Variants in PTPRD observed in about 807,000 individuals in gnomAD.
The protein encoded by PTPRD is receptor-type tyrosine-protein phosphatase delta.
A neutral mutation model predicts 214.5 loss-of-function variants in PTPRD; 34 were observed. The observed-to-expected ratio is 0.16, with a 90% CI of 0.12 to 0.21. The LOEUF (loss-of-function observed/expected upper bound fraction) is 0.21, where lower values mean the gene tolerates loss of function less well. PTPRD is among the 10% of genes least tolerant of loss of function. PTPRD has a pLI of 1.00. For missense variants in PTPRD, 2,545 were observed against 2,398.7 expected (o/e 1.06, Z -1.27); for synonymous variants, 1,128 against 845.7 (o/e 1.33, Z -5.79).
intron 2 of PTPRD, among the ~76,000 whole-genome samples, chr9:10,395,954 TGAGAGAGA>T (rs368100918): frequency 2.2e-4 from 30 of 134,310 alleles, no homozygotes; most frequent in African/African-American, 5.7e-4. Flanking sequence ...ATAGAGAGAA[TGAGAGAGA>T]GAGAGAGAGA....
intron 11 of PTPRD, among the ~76,000 whole-genome samples, chr9:8,974,922 C>G (rs904049219): frequency 6.6e-6 from 1 of 151,414 alleles, no homozygotes; most frequent in Non-Finnish European, 1.5e-5. Flanking sequence ...CATCGTGAAA[C>G]CCCGTCTGTA....
intron 10 of PTPRD, among the ~76,000 whole-genome samples, chr9:9,180,989 T>A (rs1416807765): frequency 1.3e-5 from 2 of 152,124 alleles, no homozygotes; most frequent in Non-Finnish European, 2.9e-5. Context: ...AAAGCACTTT[T>A]GGACTTGGCT....
rs114303990 is a variant in PTPRD at position 9,705,455 on chromosome 9, T to A, written c.-287+29078A>T. 6.5e-3 allele frequency among the ~76,000 whole-genome samples: 985 copies of A among 152,228 alleles called. 7 individuals carry two copies. The highest frequency in any genetic ancestry group is 0.022 in the African/African-American group (929 of 41,560). On this transcript the variant is annotated intron_variant, in intron 7 of 45. Coordinates refer to ENST00000381196, the MANE Select transcript of PTPRD (RefSeq NM_002839.4). ...AAAACACTCTGAAGTGGCCTTAATATAACACACAAAGGGCTTTTCTATTTT... is the reference window on the plus strand; with the variant it reads ...AAAACACTCTGAAGTGGCCTTAATAAAACACACAAAGGGCTTTTCTATTTT...
chr9:8,692,291 G>A (rs1168414045), intron 12 of PTPRD, among the ~76,000 whole-genome samples: 1 of 152,172 alleles, frequency 6.6e-6, no homozygotes, highest in Non-Finnish European at 1.5e-5. Flanking sequence ...ACAATTTAAT[G>A]TGAATTGTAC....
chr9:8,859,805 G>GGT lies in PTPRD; in HGVS notation c.-103-125860_-103-125859insAC, dbSNP rs988439550. Reference sequence around the variant, plus strand: ...ACGAAGTTTAGTTTTCCAGCAATTTGGGGGTGGGGGAGGAGCATCCCTGCA... The same window carrying GGT: ...ACGAAGTTTAGTTTTCCAGCAATTTGGTGGGGTGGGGGAGGAGCATCCCTGCA... On this transcript the variant is annotated intron_variant, in intron 11 of 45. Coordinates refer to ENST00000381196, the MANE Select transcript of PTPRD (RefSeq NM_002839.4). 3.4e-4 allele frequency among the ~76,000 whole-genome samples: 18 copies of GGT among 53,618 alleles called. 1 individual carries two copies. In the South Asian group the frequency reaches 7.0e-3, roughly 21 times the overall value. The allele number at this position is 53,618 out of a possible 152,430, so 35.2% of individuals were successfully genotyped here.
chr9:10,283,424 G>A (rs927107519), intron 3 of PTPRD, among the ~76,000 whole-genome samples: 3 of 152,142 alleles, frequency 2.0e-5, no homozygotes, highest in Admixed American at 1.3e-4. Flanking sequence ...TCCTCAACAC[G>A]ATAAGAATTC....
intron 11 of PTPRD, among the ~76,000 whole-genome samples, chr9:8,773,387 A>G (rs1404702788): frequency 6.6e-6 from 1 of 152,128 alleles, no homozygotes; most frequent in Non-Finnish European, 1.5e-5. Flanking sequence ...TCTTCTGTTT[A>G]AACCCTAGAA....
At chr9:10,374,201 C>T (rs948030560) in intron 2 of PTPRD, among the ~76,000 whole-genome samples, 1 of 152,174 alleles carries the variant, frequency 6.6e-6, no homozygotes, top group East Asian at 1.9e-4. Flanking sequence ...ATCAAAATGA[C>T]TCTTGAATTA....
rs551983563 is a variant in PTPRD, at chr9:8,467,232, G to C, written c.3505-1557C>G. Among the ~76,000 whole-genome samples, 4 of 151,906 alleles carry C rather than the reference G, an allele frequency of 2.6e-5. No homozygotes were observed. The East Asian group carries it at 7.8e-4, about 29-fold the overall frequency. On this transcript the variant is annotated intron_variant, in intron 31 of 45. Coordinates refer to ENST00000381196, the MANE Select transcript of PTPRD (RefSeq NM_002839.4). The stretch of plus-strand genomic sequence containing the variant: ...CGGTAGATTGGGCATCACTTGTTTA[G>C]CAAAATTGGACCATCCCATAATAAA...
At chr9:9,776,045 A>G (rs1027352194) in intron 5 of PTPRD, among the ~76,000 whole-genome samples, 10 of 151,548 alleles carry the variant, frequency 6.6e-5, no homozygotes, top group African/African-American at 1.5e-4. Context: ...AGGTTAATAT[A>G]AGCACTTTCT....
At chr9:9,250,117 A>T (rs2099974846) in intron 9 of PTPRD, among the ~76,000 whole-genome samples, 1 of 152,070 alleles carries the variant, frequency 6.6e-6, no homozygotes, top group Non-Finnish European at 1.5e-5. Context: ...GCACACCATG[A>T]ACAGTCGCAT....
chr9:8,822,679 G>A lies in PTPRD; in HGVS notation c.-103-88733C>T, dbSNP rs534837231. Among the ~76,000 whole-genome samples, 7 of 152,178 alleles carry A rather than the reference G, an allele frequency of 4.6e-5. No homozygotes were observed. In the East Asian group the frequency reaches 9.7e-4, roughly 21 times the overall value. On this transcript the variant is annotated intron_variant, in intron 11 of 45. Transcript: ENST00000381196. ...TTATGCATTATACCTCACAGCCTTC[G>A]GTTGGGGCTATTATTTTTATACCCA...
chr9:10,131,121 G>A (rs2098874366), intron 3 of PTPRD, among the ~76,000 whole-genome samples: 1 of 152,132 alleles, frequency 6.6e-6, no homozygotes, highest in South Asian at 2.1e-4. Flanking sequence ...AACTGGCTGT[G>A]CTTTCTGGGA....
intron 3 of PTPRD, among the ~76,000 whole-genome samples, chr9:10,157,178 A>G (rs958227970): frequency 1.3e-5 from 2 of 152,164 alleles, no homozygotes; most frequent in African/African-American, 4.8e-5. Context: ...TCATCATGAC[A>G]TCAGCTGGCT....
At chr9:8,413,178 T>C (rs1033483328) in intron 35 of PTPRD, among the ~76,000 whole-genome samples, 1 of 152,222 alleles carries the variant, frequency 6.6e-6, no homozygotes, top group Non-Finnish European at 1.5e-5. Context: ...CTTTGCATCC[T>C]AAACATAGAT....
At chr9:9,623,405 C>G (rs1450514025) in intron 7 of PTPRD, among the ~76,000 whole-genome samples, 1 of 152,056 alleles carries the variant, frequency 6.6e-6, no homozygotes, top group Non-Finnish European at 1.5e-5. Context: ...CATTAGATGC[C>G]GTGCTATTCA....
intron 2 of PTPRD, among the ~76,000 whole-genome samples, chr9:10,378,429 T>C (rs967386082): frequency 2.6e-5 from 4 of 152,142 alleles, no homozygotes; most frequent in East Asian, 1.9e-4. Context: ...TTAATTGTAG[T>C]AGTTTTATAG....
chr9:9,343,318 T>C (rs548096950), intron 9 of PTPRD, among the ~76,000 whole-genome samples: 34 of 152,288 alleles, frequency 2.2e-4, no homozygotes, highest in African/African-American at 7.7e-4. Context: ...TCTTCCTCAA[T>C]GGTTAACTAA....
At chr9:10,199,436 C>T (rs1038886517) in intron 3 of PTPRD, among the ~76,000 whole-genome samples, 15 of 151,970 alleles carry the variant, frequency 9.9e-5, no homozygotes, top group African/African-American at 3.4e-4. Context: ...TACCTGCCCA[C>T]CTCTGTTCTT....
Sources: allele counts gnomAD v4.1 joint callset (sites outside exome capture counted in the v4.1 genomes callset), GRCh38; gene constraint gnomAD v4.1.1; transcripts MANE v1.5; gene names NCBI Gene and HGNC (gene_info 2026-07-23, HGNC 2026-07-21).